The following RBFOX1 variants were observed in gnomAD, a reference collection of about 807,000 sequenced individuals.
The protein encoded by RBFOX1 is RNA binding fox-1 homolog 1.
In RBFOX1, 8 loss-of-function variants were observed where a neutral mutation model predicts 57.7. That is an observed-to-expected ratio of 0.14 (90% CI 0.08 to 0.25). The LOEUF is 0.25. Among genes scored for constraint, RBFOX1 ranks in the 10% least tolerant of loss-of-function variants. The pLI, the probability that RBFOX1 is intolerant of heterozygous loss-of-function variation, is 1.00. For synonymous variants in RBFOX1, 326 were observed against 222.4 expected (o/e 1.47, Z -4.15); for missense variants, 611 against 548.5 (o/e 1.11, Z -1.14).
At chr16:6,270,944 T>C (rs1284297879) in intron 1 of RBFOX1, among the ~76,000 whole-genome samples, 1 of 152,184 alleles carries the variant, frequency 6.6e-6, no homozygotes, top group African/African-American at 2.4e-5. Context: ...CCGAATAAAT[T>C]CCATGGATTA....
At chr16:6,529,246 G>C (rs921023202) in intron 2 of RBFOX1, among the ~76,000 whole-genome samples, 8 of 152,076 alleles carry the variant, frequency 5.3e-5, no homozygotes, top group African/African-American at 1.7e-4. Context: ...TGCATTGACT[G>C]TAAGTTCTAC....
At chr16:5,310,182 C>T (rs566035577) in intron 1 of RBFOX1, among the ~76,000 whole-genome samples, 11 of 152,016 alleles carry the variant, frequency 7.2e-5, no homozygotes, top group African/African-American at 1.4e-4. Context: ...GCGGATCACT[C>T]GAGGGCAGGA....
At chr16:5,846,320 C>A (rs148340809) in intron 3 of RBFOX1, among the ~76,000 whole-genome samples, 3 of 152,126 alleles carry the variant, frequency 2.0e-5, no homozygotes, top group African/African-American at 4.8e-5. Context: ...GGGCACCCCC[C>A]TCTTAAAGTC....
At chr16:7,166,871 G>A (rs115803486) in intron 4 of RBFOX1, among the ~76,000 whole-genome samples, 4,968 of 151,402 alleles carry the variant, frequency 0.033, 106 homozygotes, top group South Asian at 0.098. Context: ...CCACGCTGGG[G>A]ACTGCACAGA....
chr16:5,908,330 A>G (rs966626102), intron 4 of RBFOX1, among the ~76,000 whole-genome samples: 1 of 138,234 alleles, frequency 7.2e-6, no homozygotes, highest in Non-Finnish European at 1.6e-5. Flanking sequence ...ACACATATAT[A>G]TATGTGTGTG....
chr16:7,318,297 G>A (rs1353781928), intron 4 of RBFOX1, among the ~76,000 whole-genome samples: 1 of 151,972 alleles, frequency 6.6e-6, no homozygotes, highest in African/African-American at 2.4e-5. Context: ...AATGGTGGTA[G>A]TGCTGGTGGT....
At chr16:6,892,929 C>G (rs553370910) in intron 3 of RBFOX1, among the ~76,000 whole-genome samples, 1 of 151,894 alleles carries the variant, frequency 6.6e-6, no homozygotes, top group Admixed American at 6.6e-5. Flanking sequence ...GCTATTCTTG[C>G]GTGTGTGGCG....
chr16:5,661,246 A>C (rs2049637667), intron 3 of RBFOX1, among the ~76,000 whole-genome samples: 1 of 140,232 alleles, frequency 7.1e-6, no homozygotes, highest in African/African-American at 3.3e-5. Flanking sequence ...AAAATATAAC[A>C]ATGAGTAATA....
intron 2 of RBFOX1, among the ~76,000 whole-genome samples, chr16:6,480,756 A>T (rs1476281095): frequency 1.3e-5 from 2 of 152,092 alleles, no homozygotes. Flanking sequence ...TCAGCAATTT[A>T]TTTTTGCTGA....
chr16:5,856,442 A>C (rs1380193702), intron 3 of RBFOX1, among the ~76,000 whole-genome samples: 1 of 138,466 alleles, frequency 7.2e-6, no homozygotes, highest in Non-Finnish European at 1.5e-5. Flanking sequence ...GTTCATTGTC[A>C]TCACAAGACT....
chr16:6,424,292 C>G (rs1372096233), intron 2 of RBFOX1, among the ~76,000 whole-genome samples: 3 of 152,102 alleles, frequency 2.0e-5, no homozygotes, highest in African/African-American at 7.2e-5. Context: ...GAAGTGTTGC[C>G]TGCATTAAGG....
At chr16:7,189,568 CACACACACACACACACACAT>C (rs1416196822) in intron 4 of RBFOX1, among the ~76,000 whole-genome samples, 5 of 150,490 alleles carry the variant, frequency 3.3e-5, no homozygotes, top group African/African-American at 9.7e-5. Context: ...CACACACACA[CACACACACACACACACACAT>C]ACACACACAA....
chr16:6,975,895 G>C (rs2153578243), intron 3 of RBFOX1, among the ~76,000 whole-genome samples: 2 of 152,240 alleles, frequency 1.3e-5, no homozygotes, highest in Middle Eastern at 6.8e-3. Context: ...GGGAGGCTGA[G>C]GTAGGTGGTC....
chr16:5,922,475 C>G (rs534094311), intron 4 of RBFOX1, among the ~76,000 whole-genome samples: 2 of 152,268 alleles, frequency 1.3e-5, no homozygotes, highest in South Asian at 2.1e-4. Context: ...GGCTAACACA[C>G]TGGAAGTTCC....
At chr16:6,220,829 T>A (rs2097368363) in intron 1 of RBFOX1, among the ~76,000 whole-genome samples, 1 of 152,200 alleles carries the variant, frequency 6.6e-6, no homozygotes, top group Non-Finnish European at 1.5e-5. Flanking sequence ...TTTTTTAATT[T>A]ATGTGCCTAT....
chr16:7,439,039 G>T (rs528841584), intron 4 of RBFOX1, among the ~76,000 whole-genome samples: 87 of 152,246 alleles, frequency 5.7e-4, no homozygotes, highest in Admixed American at 1.2e-3. Context: ...GGAAACCACC[G>T]CACTTTGTTT....
intron 4 of RBFOX1, among the ~76,000 whole-genome samples, chr16:7,384,233 A>C (rs752143847): frequency 7.2e-5 from 11 of 152,042 alleles, no homozygotes; most frequent in South Asian, 2.1e-4. Flanking sequence ...ATATATGAAT[A>C]TGAAAAGCAA....
intron 4 of RBFOX1, among the ~76,000 whole-genome samples, chr16:7,426,468 C>G (rs963761976): frequency 2.0e-5 from 3 of 152,182 alleles, no homozygotes; most frequent in Non-Finnish European, 4.4e-5. Flanking sequence ...TGATAGTTTT[C>G]AAGCAACAGC....
chr16:7,200,783 C>G (rs7189620), intron 4 of RBFOX1, among the ~76,000 whole-genome samples: 2 of 151,934 alleles, frequency 1.3e-5, no homozygotes, highest in African/African-American at 4.8e-5. Flanking sequence ...GGAAAAGCCT[C>G]TAATAGGGAC....
Sources: allele counts gnomAD v4.1 joint callset (sites outside exome capture counted in the v4.1 genomes callset), GRCh38; gene constraint gnomAD v4.1.1; transcripts MANE v1.5; gene names NCBI Gene and HGNC (gene_info 2026-07-23, HGNC 2026-07-21).